The following TRIM2 variants were observed in gnomAD, a reference collection of about 807,000 sequenced individuals.
TRIM2 encodes the protein tripartite motif containing 2.
A neutral mutation model predicts 75.2 loss-of-function variants in TRIM2; 20 were observed. That is an observed-to-expected ratio of 0.27 (90% confidence interval 0.19 to 0.39). The LOEUF (loss-of-function observed/expected upper bound fraction) is 0.39, where lower values mean the gene tolerates loss of function less well. Ranked by LOEUF, TRIM2 falls within the 10% of genes least tolerant of loss-of-function variation. The pLI is 1.00. For synonymous variants in TRIM2, 373 were observed against 388.3 expected, an observed-to-expected ratio of 0.96 and a Z score of 0.46; for missense variants, 660 against 990.8, an observed-to-expected ratio of 0.67 and a Z score of 4.48.
intron 1 of TRIM2, among the ~76,000 whole-genome samples, chr4:153,221,823 GAAATGAAGGAAGGAAGGAAAGCGC>G (rs1740212360): frequency 3.2e-5 from 4 of 125,240 alleles, no homozygotes; most frequent in Non-Finnish European, 5.1e-5. Flanking sequence ...AGGGAGGGAG[GAAATGAAGGAAGGAAGGAAAGCGC>G]GAGGAAAGAA....
chr4:153,197,353 A>C (rs771270196), intron 1 of TRIM2, among the ~76,000 whole-genome samples: 8 of 152,236 alleles, frequency 5.3e-5, no homozygotes, highest in Non-Finnish European at 8.8e-5. Context: ...GAAAGATTGC[A>C]GCTTTCATTC....
intron 1 of TRIM2, among the ~76,000 whole-genome samples, chr4:153,237,732 C>A (rs987578466): frequency 6.6e-6 from 1 of 152,056 alleles, no homozygotes; most frequent in Non-Finnish European, 1.5e-5. Context: ...TACATAAACA[C>A]ATTTATGAGT....
At chr4:153,292,000 ACTT>A (rs1448963608) in intron 3 of TRIM2, among the ~76,000 whole-genome samples, 1 of 152,228 alleles carries the variant, frequency 6.6e-6, no homozygotes, top group Non-Finnish European at 1.5e-5. Context: ...CTCAGTCCAG[ACTT>A]CTTATTTGGA....
intron 1 of TRIM2, among the ~76,000 whole-genome samples, chr4:153,259,026 C>CT (rs1467288940): frequency 6.6e-6 from 1 of 152,186 alleles, no homozygotes; most frequent in African/African-American, 2.4e-5. Context: ...CTTCCTAAAC[C>CT]TTTAAGTGTT....
At chr4:153,244,342 CT>C in intron 1 of TRIM2, among the ~76,000 whole-genome samples, 1 of 34,936 alleles carries the variant, frequency 2.9e-5, no homozygotes. Flanking sequence ...TCTTCTTCTT[CT>C]TCTTCTTCTT....
At chr4:153,218,653 T>C (rs1739136287) in intron 1 of TRIM2, among the ~76,000 whole-genome samples, 1 of 152,234 alleles carries the variant, frequency 6.6e-6, no homozygotes, top group Non-Finnish European at 1.5e-5. Flanking sequence ...CGTATAGTAT[T>C]TCCTGGGCTT....
At chr4:153,228,058 T>G (rs1267927239) in intron 1 of TRIM2, among the ~76,000 whole-genome samples, 3 of 152,158 alleles carry the variant, frequency 2.0e-5, no homozygotes, top group Non-Finnish European at 4.4e-5. Context: ...AAGTAAACAT[T>G]TTGGATATCC....
In TRIM2 at chr4:153,247,695, A is replaced by AAAAAC. The variant is rs1400909256; in HGVS notation, c.31-22636_31-22635insCAAAA. ...TCTGTCTCAAAAAAAAAAAAAAAAA[A>AAAAAC]AAAAAACTGTATAGGCATATCTCTT... On this transcript the variant is annotated intron_variant, in intron 1 of 11. Transcript: ENST00000338700. Among the ~76,000 whole-genome samples the AAAAAC allele has an allele frequency of 5.0e-4, 75 of 151,316 alleles. 1 individual carries two copies. In the East Asian group the frequency reaches 0.013, roughly 26 times the overall value.
chr4:153,161,665 T>C (rs1199128419), intron 1 of TRIM2, among the ~76,000 whole-genome samples: 4 of 152,320 alleles, frequency 2.6e-5, no homozygotes, highest in Middle Eastern at 3.4e-3. Flanking sequence ...CTAGTACACT[T>C]ATTAGTTTTC....
chr4:153,321,530 T>C (rs918829489), intron 8 of TRIM2, among the ~76,000 whole-genome samples: 76 of 152,310 alleles, frequency 5.0e-4, no homozygotes, highest in African/African-American at 1.8e-3. Flanking sequence ...TTCCCCTATT[T>C]TAAAATATGA....
chr4:153,217,108 C>T (rs1295096039), intron 1 of TRIM2, among the ~76,000 whole-genome samples: 49 of 152,138 alleles, frequency 3.2e-4, no homozygotes, highest in Non-Finnish European at 5.9e-5. Flanking sequence ...TTTTTCTGCT[C>T]ATGTTTCTGT....
At chr4:153,244,020 A>G (rs1747433074) in intron 1 of TRIM2, among the ~76,000 whole-genome samples, 2 of 151,638 alleles carry the variant, frequency 1.3e-5, no homozygotes, top group South Asian at 2.1e-4. Flanking sequence ...GGGTCTCCCT[A>G]TGTTGCCCAG....
chr4:153,182,539 T>G (rs927186531), intron 1 of TRIM2, among the ~76,000 whole-genome samples: 1 of 152,192 alleles, frequency 6.6e-6, no homozygotes, highest in African/African-American at 2.4e-5. Context: ...TAGGGCTAAG[T>G]GAGCTGATTC....
intron 3 of TRIM2, 105 bp downstream of exon 3, chr4:153,276,235 G>A (rs1758004013): frequency 3.2e-6 from 3 of 936,256 alleles, no homozygotes; most frequent in Admixed American, 4.3e-5. Context: ...ACTCCATGTG[G>A]AAAAATCAGT....
chr4:153,195,954 C>T (rs1038734855), intron 1 of TRIM2, among the ~76,000 whole-genome samples: 2 of 152,130 alleles, frequency 1.3e-5, no homozygotes, highest in African/African-American at 2.4e-5. Context: ...GGATTACTGG[C>T]GTGCACCATT....
chr4:153,202,572 G>A (rs1454639336), upstream of TRIM2, among the ~76,000 whole-genome samples: 1 of 151,908 alleles, frequency 6.6e-6, no homozygotes, highest in Admixed American at 6.6e-5. Flanking sequence ...GGCGGCATGC[G>A]CCTGTAGTCC....
intron 1 of TRIM2, among the ~76,000 whole-genome samples, chr4:153,163,676 G>A (rs13145465): frequency 0.81 from 121,802 of 150,308 alleles, 50,517 homozygotes; most frequent in Non-Finnish European, 0.89. Context: ...TAATTTTTGT[G>A]TGTTTAGTAG....
At chr4:153,175,909 T>C (rs1228033890) in intron 1 of TRIM2, among the ~76,000 whole-genome samples, 1 of 152,090 alleles carries the variant, frequency 6.6e-6, no homozygotes, top group Admixed American at 6.5e-5. Context: ...CGCCGAGTGC[T>C]CTGGTATGCA....
At chr4:153,244,391 T>C (rs1344180976) in intron 1 of TRIM2, among the ~76,000 whole-genome samples, 12 of 77,816 alleles carry the variant, frequency 1.5e-4, no homozygotes, top group Non-Finnish European at 2.2e-4. Context: ...CTTCTTCTTC[T>C]TCTTCTTCTT....
Sources: allele counts gnomAD v4.1 joint callset (sites outside exome capture counted in the v4.1 genomes callset), GRCh38; gene constraint gnomAD v4.1.1; transcripts MANE v1.5; gene names NCBI Gene and HGNC (gene_info 2026-07-23, HGNC 2026-07-21).